Variants in COL24A1 observed in about 807,000 individuals in gnomAD.
COL24A1 encodes the protein collagen type XXIV alpha 1 chain, also known as collagen alpha-1(XXIV) chain.
COL24A1 carries 224 observed loss-of-function variants against 253.9 expected under a neutral mutation model. The ratio of observed to expected loss-of-function variants is 0.88; its 90% CI spans 0.79 to 0.99. The LOEUF is 0.99. COL24A1 is among the 50% of genes least tolerant of loss of function. The pLI is 0.00. For missense variants in COL24A1, 2,131 were observed against 2,068.5 expected (o/e 1.03, Z -0.59); for synonymous variants, 685 against 673.7 (o/e 1.02, Z -0.26).
intron 19 of COL24A1, among the ~76,000 whole-genome samples, chr1:86,011,084 C>T (rs574780): frequency 0.18 from 27,634 of 151,940 alleles, 3,194 homozygotes; most frequent in African/African-American, 0.32. Context: ...TAGCTTTGCC[C>T]TGTAGAATAA....
At chr1:85,884,832 C>G (rs1373748100) in intron 32 of COL24A1, among the ~76,000 whole-genome samples, 1 of 152,128 alleles carries the variant, frequency 6.6e-6, no homozygotes, top group Non-Finnish European at 1.5e-5. Flanking sequence ...TGCTGGAAGT[C>G]AGAGGGAATT....
At chr1:86,066,145 T>C (rs931221298) in intron 7 of COL24A1, among the ~76,000 whole-genome samples, 10 of 152,064 alleles carry the variant, frequency 6.6e-5, no homozygotes, top group African/African-American at 2.4e-4. Context: ...AGTACCTAGT[T>C]TTAGATTCCA....
At chr1:86,080,038 G>A (rs1257696428) in intron 7 of COL24A1, among the ~76,000 whole-genome samples, 1 of 152,126 alleles carries the variant, frequency 6.6e-6, no homozygotes, top group Non-Finnish European at 1.5e-5. Flanking sequence ...ATCAACAGAT[G>A]AATGGATAAA....
chr1:85,880,644 T>C (rs1223163481), intron 32 of COL24A1, among the ~76,000 whole-genome samples: 3 of 152,160 alleles, frequency 2.0e-5, no homozygotes, highest in Admixed American at 2.0e-4. Flanking sequence ...CACCAGTAAG[T>C]ATAATGTTGG....
At chr1:85,851,033 A>C (rs1464533050) in intron 37 of COL24A1, among the ~76,000 whole-genome samples, 1 of 150,014 alleles carries the variant, frequency 6.7e-6, no homozygotes, top group Non-Finnish European at 1.5e-5. Flanking sequence ...ACATATATAT[A>C]TACATATAAT....
chr1:86,072,538 G>C (rs1404221780), intron 7 of COL24A1, among the ~76,000 whole-genome samples: 1 of 152,190 alleles, frequency 6.6e-6, no homozygotes, highest in Non-Finnish European at 1.5e-5. Flanking sequence ...CCTGGGGGAA[G>C]GGGTGGCTGT....
At chr1:86,019,190 CT>C (rs933637587) in intron 18 of COL24A1, among the ~76,000 whole-genome samples, 9 of 152,138 alleles carry the variant, frequency 5.9e-5, no homozygotes, top group African/African-American at 1.7e-4. Flanking sequence ...GCATAAGCAA[CT>C]TTTCATCAAA....
intron 14 of COL24A1, among the ~76,000 whole-genome samples, chr1:86,031,211 C>T (rs1698539668): frequency 6.6e-6 from 1 of 152,014 alleles, no homozygotes; most frequent in Non-Finnish European, 1.5e-5. Flanking sequence ...GTAACTAACA[C>T]ATGTTCTCAC....
chr1:85,811,585 C>T (rs1022024899), intron 47 of COL24A1, among the ~76,000 whole-genome samples: 1 of 152,052 alleles, frequency 6.6e-6, no homozygotes, highest in Non-Finnish European at 1.5e-5. Flanking sequence ...ATTTCTCCAC[C>T]ATCTTGCTAA....
intron 14 of COL24A1, chr1:86,030,118 G>T (rs144849263): frequency 6.6e-5 from 10 of 151,852 alleles, no homozygotes; most frequent in African/African-American, 2.4e-4. Context: ...AAAACAAAAC[G>T]CAACCCTCTC....
chr1:86,011,452 G>A (rs1006973600), intron 19 of COL24A1, among the ~76,000 whole-genome samples: 7 of 152,092 alleles, frequency 4.6e-5, no homozygotes, highest in African/African-American at 1.7e-4. Context: ...TTCTGTCTGT[G>A]AGACTATCTT....
intron 5 of COL24A1, among the ~76,000 whole-genome samples, chr1:86,094,066 C>A (rs866042066): frequency 1.3e-5 from 2 of 151,894 alleles, no homozygotes; most frequent in Admixed American, 6.6e-5. Flanking sequence ...TCACCCATTG[C>A]GGAAGACAGT....
Position 86,147,658 on chromosome 1 carries a change from C to T in COL24A1, c.57-1475G>A, listed in dbSNP as rs115878943. Among the ~76,000 whole-genome samples the T allele has an allele frequency of 6.1e-4, 93 of 152,202 alleles. 1 individual carries two copies. Among genetic ancestry groups the T allele is most frequent in the African/African-American group, 2.0e-3 (85 of 41,514 alleles). On this transcript the variant is annotated intron_variant, in intron 1 of 59. Coordinates refer to ENST00000370571, the MANE Select transcript of COL24A1 (RefSeq NM_152890.7). The stretch of plus-strand genomic sequence containing the variant: ...ACAGAGATTATGATTCAAAAATTTG[C>T]GATGGATATGCAGGATGCATACATT...
At chr1:86,100,671 C>A (rs1162155705) in intron 5 of COL24A1, among the ~76,000 whole-genome samples, 2 of 152,048 alleles carry the variant, frequency 1.3e-5, no homozygotes, top group Admixed American at 6.6e-5. Flanking sequence ...GAAAGACACA[C>A]AAATGATTAG....
intron 2 of COL24A1, among the ~76,000 whole-genome samples, chr1:86,126,566 G>T (rs992502266): frequency 6.6e-6 from 1 of 151,880 alleles, no homozygotes; most frequent in African/African-American, 2.4e-5. Context: ...TTGATATCCG[G>T]GGCTCAAAGG....
intron 16 of COL24A1, 98 bp downstream of exon 16, chr1:86,022,735 G>T: frequency 8.2e-7 from 1 of 1,224,218 alleles, no homozygotes; most frequent in South Asian, 1.9e-5. Context: ...CTACAAATTA[G>T]ACTCCATAAA....
At chr1:85,942,577 A>C (rs986586465) in intron 24 of COL24A1, among the ~76,000 whole-genome samples, 1 of 152,230 alleles carries the variant, frequency 6.6e-6, no homozygotes, top group Admixed American at 6.5e-5. Flanking sequence ...TAATCCCCAA[A>C]GACACAGTCC....
At chr1:85,823,793 G>A in intron 43 of COL24A1, 55 bp from the exon 44 acceptor site, 1 of 1,487,286 alleles carries the variant, frequency 6.7e-7, no homozygotes, top group Non-Finnish European at 9.3e-7. Flanking sequence ...TGACTTAAGA[G>A]AATAGGATAC....
chr1:85,866,500 A>G (rs1402723255), intron 37 of COL24A1, among the ~76,000 whole-genome samples: 1 of 151,878 alleles, frequency 6.6e-6, no homozygotes, highest in Non-Finnish European at 1.5e-5. Flanking sequence ...GGAGCTGGGC[A>G]TGGAGGCTTA....
Sources: allele counts gnomAD v4.1 joint callset (sites outside exome capture counted in the v4.1 genomes callset), GRCh38; gene constraint gnomAD v4.1.1; transcripts MANE v1.5; gene names NCBI Gene and HGNC (gene_info 2026-07-23, HGNC 2026-07-21).